The following AFG3L2 variants were observed in gnomAD, a reference collection of about 807,000 sequenced individuals.
AFG3L2 encodes the protein mitochondrial inner membrane m-AAA protease component AFG3L2.
A neutral mutation model predicts 94.5 loss-of-function variants in AFG3L2; 54 were observed. The observed-to-expected ratio is 0.57, with a 90% CI of 0.46 to 0.72. The LOEUF (loss-of-function observed/expected upper bound fraction) is 0.72, where lower values mean the gene tolerates loss of function less well. Ranked by LOEUF, AFG3L2 falls within the 30% of genes least tolerant of loss-of-function variation. The probability of loss-of-function intolerance (pLI) is 0.00; values close to 1 mark genes in which losing one functional copy is unlikely to be tolerated. For synonymous variants in AFG3L2, 377 were observed against 365.5 expected, an observed-to-expected ratio of 1.03 and a Z score of -0.36; for missense variants, 754 against 994.9, an observed-to-expected ratio of 0.76 and a Z score of 3.26.
At chr18:12,337,561 T>C in intron 15 of AFG3L2, 26 bp from the exon 16 acceptor site, 1 of 1,608,852 alleles carries the variant, frequency 6.2e-7, no homozygotes, top group African/African-American at 1.3e-5. Flanking sequence ...TTAGTGGTGA[T>C]TACATATGAT....
In AFG3L2 at chr18:12,359,852, T is replaced by C. The variant is rs536566389; in HGVS notation, c.752+75A>G. 8.9e-5 allele frequency: 142 copies of C among 1,587,082 alleles called. No homozygotes were observed. In the African/African-American group the frequency reaches 1.4e-3, roughly 15 times the overall value. ...TGTTTGAGAATATAATGTATAGCCC[T>C]GCACCCAGGGACAGAACACAGTGAA... On this transcript the variant is annotated intron_variant, in intron 7 of 16. Coordinates refer to ENST00000269143, the MANE Select transcript of AFG3L2 (RefSeq NM_006796.3).
chr18:12,370,854 TTC>T lies in AFG3L2; in HGVS notation c.285_286del (p.Lys97ArgfsTer27). 1.3e-6 allele frequency: 2 copies of T among 1,578,348 alleles called. No homozygotes were observed. The highest frequency in any genetic ancestry group is 1.7e-6 in the Non-Finnish European group (2 of 1,149,956). The stretch of plus-strand genomic sequence containing the variant: ...ATAATATTGTCAAAAGGTACCTTTT[TTC>T]TCTCCCATAACTTCTTTAGGTTCAC... On this transcript the variant is annotated frameshift_variant, in exon 3 of 17. Transcript: ENST00000269143. LOFTEE classifies it high-confidence loss of function.
At position 12,351,334 on chromosome 18, in the gene AFG3L2, C is replaced by G. The variant is rs547346676; in HGVS notation, c.1398G>C (p.Pro466=). Residue 466 remains proline (P), a synonymous_variant, in exon 11 of 17, where the codon CCG becomes CCC. Transcript: ENST00000269143. ...PDILDPALLR[P]GRFDRQIFIG... ...TAAAGATCTGCCTGTCGAAACGCCC[C>G]GGCCTAAGCAGCGCGGGGTCCAGGA... 27 of 1,614,178 alleles carry G rather than the reference C, an allele frequency of 1.7e-5. No individual in the cohort carries two copies. The South Asian group carries it at 2.4e-4, about 14-fold the overall frequency.
intron 9 of AFG3L2, among the ~76,000 whole-genome samples, chr18:12,356,151 A>C (rs985718008): frequency 6.6e-6 from 1 of 151,158 alleles, no homozygotes; most frequent in African/African-American, 2.4e-5. Context: ...AAATAAAGCA[A>C]AATTTTTTTT....
chr18:12,335,929 T>C (rs1405768388), intron 16 of AFG3L2, among the ~76,000 whole-genome samples: 3 of 152,264 alleles, frequency 2.0e-5, no homozygotes, highest in African/African-American at 7.2e-5. Context: ...AGTCGGCTTC[T>C]TGAAGACTTG....
intron 5 of AFG3L2, among the ~76,000 whole-genome samples, chr18:12,366,433 C>A (rs575133120): frequency 1.5e-4 from 23 of 152,286 alleles, no homozygotes; most frequent in African/African-American, 5.5e-4. Flanking sequence ...GCTCCGCAGA[C>A]AGAGAAATGG....
At position 12,370,930 on chromosome 18, in the gene AFG3L2, T is replaced by C. The variant is rs1258850247; in HGVS notation, c.215-4A>G. 3.3e-6 allele frequency: 5 copies of C among 1,506,938 alleles called. No individual in the cohort carries two copies. Among genetic ancestry groups the C allele is most frequent in the Non-Finnish European group, 9.1e-7 (1 of 1,093,188 alleles). The allele number at this position is 1,506,938 out of a possible 1,614,324, so 93.3% of individuals were successfully genotyped here. Reference sequence around the variant, plus strand: ...TTAGGAAAGTATTTTTCAAATCCTGTTAGAAAAAGAAAAAAAATACTTATC... The same window carrying C: ...TTAGGAAAGTATTTTTCAAATCCTGCTAGAAAAAGAAAAAAAATACTTATC... On this transcript the variant is annotated splice_region_variant and splice_polypyrimidine_tract_variant and intron_variant, in intron 2 of 16. Transcript: ENST00000269143.
At chr18:12,368,538 G>A (rs1742356492) in intron 3 of AFG3L2, among the ~76,000 whole-genome samples, 1 of 152,172 alleles carries the variant, frequency 6.6e-6, no homozygotes, top group African/African-American at 2.4e-5. Flanking sequence ...TGTATGTAAG[G>A]AAAACTGTAA....
At chr18:12,339,943 C>T (rs1371247111) in intron 15 of AFG3L2, among the ~76,000 whole-genome samples, 2 of 152,050 alleles carry the variant, frequency 1.3e-5, no homozygotes, top group African/African-American at 4.8e-5. Flanking sequence ...TCACTTGAAC[C>T]CAGGAGGCAG....
intron 16 of AFG3L2, among the ~76,000 whole-genome samples, chr18:12,331,524 C>CA (rs760565081): frequency 6.4e-4 from 97 of 152,250 alleles, no homozygotes; most frequent in Non-Finnish European, 1.0e-3. Context: ...AATATATGGC[C>CA]ACGCGCAATG....
chr18:12,330,798 C>T (rs1433832972), intron 16 of AFG3L2, among the ~76,000 whole-genome samples: 1 of 151,664 alleles, frequency 6.6e-6, no homozygotes, highest in Non-Finnish European at 1.5e-5. Flanking sequence ...AAAAAACAGA[C>T]TAGGCAGGAG....
chr18:12,360,434 T>C (rs1279379702), intron 6 of AFG3L2, among the ~76,000 whole-genome samples: 1 of 152,230 alleles, frequency 6.6e-6, no homozygotes, highest in African/African-American at 2.4e-5. Flanking sequence ...GAAACAGGGA[T>C]AAGAGCTAAA....
intron 12 of AFG3L2, among the ~76,000 whole-genome samples, 161 bp downstream of exon 12, chr18:12,350,924 G>A (rs191278937): frequency 6.8e-4 from 103 of 152,200 alleles, no homozygotes; most frequent in Middle Eastern, 6.8e-3. Flanking sequence ...TCCATCCTGT[G>A]CAATTAAGTG....
intron 10 of AFG3L2, 146 bp downstream of exon 10, chr18:12,352,859 G>T: frequency 9.2e-7 from 1 of 1,084,404 alleles, no homozygotes; most frequent in Non-Finnish European, 1.4e-6. Context: ...GGAGACTGAG[G>T]CAGGAGGATC....
intron 15 of AFG3L2, 123 bp downstream of exon 15, chr18:12,340,078 C>T: frequency 1.1e-6 from 1 of 912,844 alleles, no homozygotes; most frequent in Non-Finnish European, 1.8e-6. Flanking sequence ...AAGAGATAAT[C>T]CTTGCCTAAA....
chr18:12,354,317 G>C (rs535490675), intron 9 of AFG3L2, among the ~76,000 whole-genome samples: 1 of 152,018 alleles, frequency 6.6e-6, no homozygotes, highest in Admixed American at 6.6e-5. Context: ...TCCCATCCCG[G>C]CATGAACAGG....
chr18:12,359,799 T>A (rs972833847), intron 7 of AFG3L2, 128 bp downstream of exon 7: 5 of 1,286,962 alleles, frequency 3.9e-6, no homozygotes, highest in Middle Eastern at 2.7e-4. Context: ...AATAGTTTTT[T>A]AAAAATCTGG....
At chr18:12,340,730 G>T (rs541929431) in intron 14 of AFG3L2, among the ~76,000 whole-genome samples, 1 of 151,990 alleles carries the variant, frequency 6.6e-6, no homozygotes, top group African/African-American at 2.4e-5. Context: ...TGAGTAGCTC[G>T]GATTATAAGC....
intron 14 of AFG3L2, 142 bp from the exon 15 acceptor site, chr18:12,340,543 G>T: frequency 1.4e-6 from 1 of 737,626 alleles, no homozygotes; most frequent in Non-Finnish European, 2.4e-6. Flanking sequence ...ATGTGATCTA[G>T]CAGTGACTGC....
Sources: allele counts gnomAD v4.1 joint callset (sites outside exome capture counted in the v4.1 genomes callset), GRCh38; gene constraint gnomAD v4.1.1; transcripts MANE v1.5; gene names NCBI Gene and HGNC (gene_info 2026-07-23, HGNC 2026-07-21).